The following CEMIP2 variants were observed in gnomAD, a reference collection of about 807,000 sequenced individuals.
The protein encoded by CEMIP2 is cell surface hyaluronidase CEMIP2.
A neutral mutation model predicts 146.9 loss-of-function variants in CEMIP2; 79 were observed. The observed-to-expected ratio is 0.54, with a 90% confidence interval of 0.45 to 0.65. The LOEUF is 0.65. Among genes scored for constraint, CEMIP2 ranks in the 30% least tolerant of loss-of-function variants. CEMIP2 has a pLI of 0.00. For synonymous variants in CEMIP2, 601 were observed against 606.3 expected, an observed-to-expected ratio of 0.99 and a Z score of 0.13; for missense variants, 1,596 against 1,696.2, an observed-to-expected ratio of 0.94 and a Z score of 1.04.
intron 5 of CEMIP2, among the ~76,000 whole-genome samples, chr9:71,736,197 C>G (rs939383793): frequency 6.6e-6 from 1 of 152,150 alleles, no homozygotes; most frequent in Admixed American, 6.5e-5. Context: ...CTTGACCAAC[C>G]AACATACTGT....
intron 21 of CEMIP2, among the ~76,000 whole-genome samples, chr9:71,693,378 C>A (rs955176562): frequency 6.6e-6 from 1 of 152,198 alleles, no homozygotes; most frequent in African/African-American, 2.4e-5. Context: ...TTGCTCTATG[C>A]GCAAATGCTA....
chr9:71,733,097 G>T (rs1438856993), intron 6 of CEMIP2, among the ~76,000 whole-genome samples: 1 of 152,138 alleles, frequency 6.6e-6, no homozygotes, highest in Non-Finnish European at 1.5e-5. Context: ...AAAACAAATG[G>T]TGTGTAGATA....
rs1823508037 is a variant in CEMIP2 at position 71,728,316 on chromosome 9, T to TATATATATAC, written c.2049+1528_2049+1529insGTATATATAT. Among the ~76,000 whole-genome samples the TATATATATAC allele has an allele frequency of 6.8e-5, 6 of 87,638 alleles. 1 individual carries two copies. Among genetic ancestry groups the TATATATATAC allele is most frequent in the Admixed American group, 1.2e-4 (1 of 8,194 alleles). The allele number at this position is 87,638 out of a possible 152,430, so 57.5% of individuals were successfully genotyped here. A position where few individuals can be genotyped will look rare whatever the true frequency, so the allele number is the denominator to read the frequency against. ...ATATATATATACATATATATATATATACGTATATATATATATCTCAGCAGG... is the reference window on the plus strand; with the variant it reads ...ATATATATATACATATATATATATATATATATATACACGTATATATATATATCTCAGCAGG... On this transcript the variant is annotated intron_variant, in intron 10 of 23. Transcript: ENST00000377044.
At chr9:71,722,575 C>T in intron 11 of CEMIP2, 60 bp from the exon 12 acceptor site, 4 of 1,309,060 alleles carry the variant, frequency 3.1e-6, no homozygotes, top group South Asian at 1.3e-5. Flanking sequence ...ACAACATATA[C>T]AATGATTCAT....
At chr9:71,761,506 T>C (rs1441717260) in intron 1 of CEMIP2, among the ~76,000 whole-genome samples, 1 of 152,210 alleles carries the variant, frequency 6.6e-6, no homozygotes, top group Admixed American at 6.5e-5. Context: ...GGCTGTTCAA[T>C]CCAGCATCAT....
At chr9:71,697,868 T>G in intron 20 of CEMIP2, 117 bp downstream of exon 20, 3 of 1,027,596 alleles carry the variant, frequency 2.9e-6, no homozygotes, top group Non-Finnish European at 4.2e-6. Context: ...ATTCAGGAGA[T>G]GCCATGCAAT....
intron 21 of CEMIP2, among the ~76,000 whole-genome samples, chr9:71,692,622 A>T (rs7873295): frequency 0.82 from 125,060 of 152,030 alleles, 51,994 homozygotes; most frequent in East Asian, 0.99. Flanking sequence ...ACTTGAAGAA[A>T]CTTTAACCTG....
intron 1 of CEMIP2, among the ~76,000 whole-genome samples, chr9:71,751,745 G>A (rs1280068680): frequency 6.6e-6 from 1 of 152,136 alleles, no homozygotes; most frequent in African/African-American, 2.4e-5. Flanking sequence ...AAAAGTCCAT[G>A]TGTCATGAGG....
chr9:71,767,918 A>G (rs527908655), intron 1 of CEMIP2, among the ~76,000 whole-genome samples: 8 of 152,212 alleles, frequency 5.3e-5, no homozygotes, highest in Non-Finnish European at 1.2e-4. Flanking sequence ...ACTGCAAAGC[A>G]CATTCCATCA....
At chr9:71,764,730 T>C (rs1027222855) in intron 1 of CEMIP2, among the ~76,000 whole-genome samples, 2 of 152,322 alleles carry the variant, frequency 1.3e-5, no homozygotes, top group African/African-American at 4.8e-5. Context: ...AAATGTCAGA[T>C]GGGCTTAAGT....
intron 3 of CEMIP2, 90 bp from the exon 4 acceptor site, chr9:71,745,669 C>G: frequency 7.7e-7 from 1 of 1,298,164 alleles, no homozygotes; most frequent in Non-Finnish European, 1.0e-6. Flanking sequence ...AATACACTTC[C>G]GCAATTAGGT....
chr9:71,758,336 G>A (rs961392431), intron 1 of CEMIP2, among the ~76,000 whole-genome samples: 1 of 152,186 alleles, frequency 6.6e-6, no homozygotes, highest in East Asian at 1.9e-4. Context: ...ACAAAAGCCA[G>A]ATCAACAGGG....
intron 8 of CEMIP2, 91 bp from the exon 9 acceptor site, chr9:71,730,344 A>G: frequency 7.6e-7 from 1 of 1,313,056 alleles, no homozygotes; most frequent in Non-Finnish European, 1.1e-6. Flanking sequence ...TGTTCAGTAC[A>G]AGTGGAAAAA....
chr9:71,754,485 T>C (rs1824362073), intron 1 of CEMIP2, among the ~76,000 whole-genome samples: 1 of 150,810 alleles, frequency 6.6e-6, no homozygotes, highest in African/African-American at 2.5e-5. Context: ...TCACATGTTA[T>C]TTTTTTTAAA....
At chr9:71,690,684 A>T (rs1454580266) in intron 21 of CEMIP2, among the ~76,000 whole-genome samples, 1 of 152,256 alleles carries the variant, frequency 6.6e-6, no homozygotes, top group Non-Finnish European at 1.5e-5. Context: ...ATAAATATGT[A>T]TCATGCCTTG....
intron 4 of CEMIP2, among the ~76,000 whole-genome samples, chr9:71,744,494 A>C (rs1824016280): frequency 6.6e-6 from 1 of 152,226 alleles, no homozygotes; most frequent in African/African-American, 2.4e-5. Flanking sequence ...CCAGGGGTCC[A>C]TAGACCTGTG....
chr9:71,712,798 T>C (rs1822946789), intron 15 of CEMIP2, among the ~76,000 whole-genome samples: 1 of 152,188 alleles, frequency 6.6e-6, no homozygotes, highest in African/African-American at 2.4e-5. Flanking sequence ...GACTGAGAAT[T>C]TTGTTTTATT....
chr9:71,761,422 G>T (rs62544892), intron 1 of CEMIP2, among the ~76,000 whole-genome samples: 19 of 152,150 alleles, frequency 1.2e-4, no homozygotes, highest in Non-Finnish European at 2.2e-4. Context: ...AACAGAAGGG[G>T]TATGTTTTGA....
intron 19 of CEMIP2, chr9:71,699,320 G>T: frequency 2.8e-6 from 1 of 355,532 alleles, no homozygotes; most frequent in South Asian, 2.1e-5. Context: ...AATGCTGGGT[G>T]TGGTGGCAGC....
Sources: gnomAD v4.1 joint callset for allele counts (sites outside exome capture counted in the v4.1 genomes callset) on GRCh38, gnomAD v4.1.1 for gene constraint, MANE v1.5 for transcripts, NCBI Gene and HGNC (gene_info 2026-07-23, HGNC 2026-07-21) for gene names.